The following HPD variants were observed in gnomAD, a reference collection of about 807,000 sequenced individuals.
HPD encodes 4-hydroxyphenylpyruvic acid oxidase.
Under a neutral mutation model 56.9 loss-of-function variants are expected in HPD, and 35 were observed. That is an observed-to-expected ratio of 0.62 (90% CI 0.47 to 0.82). The LOEUF (loss-of-function observed/expected upper bound fraction) is 0.82, where lower values mean the gene tolerates loss of function less well. Ranked by LOEUF, HPD falls within the 40% of genes least tolerant of loss-of-function variation. The pLI is 0.00. For synonymous variants in HPD, 186 were observed against 200.2 expected (o/e 0.93, Z 0.60); for missense variants, 442 against 506.8 (o/e 0.87, Z 1.23).
chr12:121,873,688 C>T, the HPD span, among the ~76,000 whole-genome samples: 29 of 152,092 alleles, frequency 1.9e-4, no homozygotes, highest in African/African-American at 6.0e-4. Context: ...GGCGTGCTGG[C>T]GGGCGCCTGT....
chr12:121,855,698 C>T (rs1029465285), intron 6 of HPD, among the ~76,000 whole-genome samples: 2 of 150,362 alleles, frequency 1.3e-5, no homozygotes, highest in African/African-American at 4.9e-5. Context: ...GCCTGGGCAA[C>T]AGAGCAAGAC....
chr12:121,872,377 G>A, the HPD span, among the ~76,000 whole-genome samples: 2 of 151,428 alleles, frequency 1.3e-5, no homozygotes, highest in Non-Finnish European at 2.9e-5. Flanking sequence ...ACAGGAGCCC[G>A]CCACCAGGAC....
In HPD at chr12:121,846,862, C is replaced by T. The variant is rs372058146; in HGVS notation, c.831G>A (p.Ala277=). Residue 277 remains alanine, a splice_region_variant and synonymous_variant, in exon 11 of 14, where the codon GCG becomes GCA. Coordinates refer to ENST00000289004, the MANE Select transcript of HPD (RefSeq NM_002150.3). Reference sequence around the variant, plus strand: ...TTCGGACAGGGAAGGGGGTTCTAACCGCTGTGATGATGTCTTCGGTCTTGA... The same window carrying T: ...TTCGGACAGGGAAGGGGGTTCTAACTGCTGTGATGATGTCTTCGGTCTTGA... ...IALKTEDIIT[A]IRHLRERGLE... 1.5e-5 allele frequency: 25 copies of T among 1,613,836 alleles called. No individual in the cohort carries two copies. The highest frequency in any genetic ancestry group is 1.1e-4 in the East Asian group (5 of 44,896).
chr12:121,857,161 C>G, intron 4 of HPD, 167 bp downstream of exon 4: 1 of 619,966 alleles, frequency 1.6e-6, no homozygotes, highest in East Asian at 2.9e-5. Flanking sequence ...CTCACTGCAA[C>G]CTCTGCCTCC....
the HPD span, among the ~76,000 whole-genome samples, chr12:121,878,930 C>G: frequency 6.6e-6 from 1 of 152,066 alleles, no homozygotes; most frequent in African/African-American, 2.4e-5. Flanking sequence ...CCGCCTTGGC[C>G]TCCCAAAGTG....
the HPD span, among the ~76,000 whole-genome samples, chr12:121,871,846 G>C: frequency 6.6e-6 from 1 of 152,108 alleles, no homozygotes; most frequent in Non-Finnish European, 1.5e-5. Context: ...GAGCACTGGA[G>C]CTGGTGTGGA....
the HPD span, among the ~76,000 whole-genome samples, chr12:121,869,760 A>T: frequency 2.0e-5 from 3 of 152,102 alleles, no homozygotes; most frequent in Non-Finnish European, 2.9e-5. Flanking sequence ...CCTGACCTCA[A>T]GTGATCCACC....
intron 8 of HPD, among the ~76,000 whole-genome samples, chr12:121,849,304 A>G (rs1877686042): frequency 6.6e-6 from 1 of 151,994 alleles, no homozygotes; most frequent in Non-Finnish European, 1.5e-5. Flanking sequence ...TGCTGGGATT[A>G]TAGGTATGAG....
chr12:121,849,899 C>A, intron 7 of HPD, 109 bp from the exon 8 acceptor site: 1 of 724,162 alleles, frequency 1.4e-6, no homozygotes, highest in East Asian at 2.7e-5. Context: ...GCATCTGACC[C>A]TAACCAGATG....
At chr12:121,852,802 CTT>C (rs1490050496) in intron 7 of HPD, among the ~76,000 whole-genome samples, 1 of 151,414 alleles carries the variant, frequency 6.6e-6, no homozygotes, top group Non-Finnish European at 1.5e-5. Context: ...GCCTGGCTAA[CTT>C]TTGTATTTTT....
upstream of HPD, among the ~76,000 whole-genome samples, chr12:121,867,344 C>G (rs1878352246): frequency 7.1e-6 from 1 of 140,646 alleles, no homozygotes; most frequent in South Asian, 2.3e-4. Flanking sequence ...AGAGAGAGAC[C>G]CTGTCTCAAA....
chr12:121,842,133 G>A (rs1877428253), intron 12 of HPD, among the ~76,000 whole-genome samples: 1 of 151,768 alleles, frequency 6.6e-6, no homozygotes, highest in African/African-American at 2.4e-5. Flanking sequence ...TCTTTTTGGG[G>A]TGACAAAAAT....
upstream of HPD, among the ~76,000 whole-genome samples, chr12:121,865,515 C>T (rs1352273537): frequency 1.3e-5 from 2 of 149,572 alleles, no homozygotes; most frequent in East Asian, 4.2e-4. Flanking sequence ...GTGATCTGTC[C>T]GCCTTGGCCT....
chr12:121,856,951 T>C lies in HPD; in HGVS notation c.199-326A>G, dbSNP rs917842752. On this transcript the variant is annotated intron_variant, in intron 4 of 13. Transcript: ENST00000289004. ...TTTCTGAGCACCTGTGGGGTCAGTG[T>C]TGGGCCAGGCTGAGGAGGAAACGAA... is the stretch of plus-strand genomic sequence containing the variant. 12 of 512,538 alleles carry C rather than the reference T, an allele frequency of 2.3e-5. No homozygotes were observed. The Admixed American group carries it at 3.9e-4, about 17-fold the overall frequency. The allele number at this position is 512,538 out of a possible 1,614,324, so 31.7% of individuals were successfully genotyped here.
At chr12:121,843,933 G>T in intron 11 of HPD, 101 bp from the exon 12 acceptor site, 1 of 1,404,170 alleles carries the variant, frequency 7.1e-7, no homozygotes, top group Non-Finnish European at 1.0e-6. Flanking sequence ...CCCTATCCTA[G>T]CTCCCCTCAA....
intron 9 of HPD, among the ~76,000 whole-genome samples, chr12:121,847,688 C>T (rs1026847322): frequency 3.9e-5 from 6 of 152,170 alleles, no homozygotes; most frequent in Admixed American, 3.9e-4. Context: ...CAGGCATGCA[C>T]CACCATGCCC....
At chr12:121,871,835 G>A in the HPD span, among the ~76,000 whole-genome samples, 1 of 152,040 alleles carries the variant, frequency 6.6e-6, no homozygotes, top group Admixed American at 6.6e-5. Flanking sequence ...TGCAAGCCAG[G>A]GAGCACTGGA....
At chr12:121,860,176 C>T (rs891410882), upstream of HPD, among the ~76,000 whole-genome samples, 3 of 151,938 alleles carry the variant, frequency 2.0e-5, no homozygotes, top group African/African-American at 7.3e-5. Context: ...AAATAAATAT[C>T]CAACTGGGAA....
chr12:121,851,824 C>T (rs1365885741), intron 7 of HPD, among the ~76,000 whole-genome samples: 93 of 28,682 alleles, frequency 3.2e-3, no homozygotes, highest in South Asian at 5.0e-3. Context: ...ATTCTCCTGC[C>T]TCAGCCTCCC....
Sources: allele counts gnomAD v4.1 joint callset (sites outside exome capture counted in the v4.1 genomes callset), GRCh38; gene constraint gnomAD v4.1.1; transcripts MANE v1.5; gene names NCBI Gene and HGNC (gene_info 2026-07-23, HGNC 2026-07-21).